Variants in CEP120 observed in about 807,000 individuals in gnomAD.
CEP120 encodes the protein centrosomal protein of 120 kDa.
Under a neutral mutation model 126.5 loss-of-function variants are expected in CEP120, and 113 were observed. That is an observed-to-expected ratio of 0.89 (90% CI 0.77 to 1.04). CEP120 has a LOEUF of 1.04. Ranked by LOEUF, CEP120 falls within the 50% of genes least tolerant of loss-of-function variation. The probability of loss-of-function intolerance (pLI) is 0.00; values close to 1 mark genes in which losing one functional copy is unlikely to be tolerated. For missense variants in CEP120, 1,230 were observed against 1,155.7 expected, an observed-to-expected ratio of 1.06 and a Z score of -0.93; for synonymous variants, 400 against 394.3, an observed-to-expected ratio of 1.01 and a Z score of -0.17.
At position 123,423,028 on chromosome 5, in the gene CEP120, C is replaced by T. The variant is rs1774822491; in HGVS notation, c.-30G>A. On this transcript the variant is annotated 5_prime_UTR_variant, in exon 1 of 20. Coordinates refer to ENST00000306467, the MANE Select transcript of CEP120 (RefSeq NM_001375405.1). ...GCGGTGAGCGGTCCGGGGGCGAAGG[C>T]GGCTGGGGGGAAGTGAGGTCCAGTT... 2.5e-6 allele frequency: 4 copies of T among 1,603,664 alleles called. No homozygotes were observed. Among genetic ancestry groups the T allele is most frequent in the Non-Finnish European group, 8.5e-7 (1 of 1,171,088 alleles).
chr5:123,374,711 C>A (rs1312910937), intron 16 of CEP120, among the ~76,000 whole-genome samples: 1 of 151,968 alleles, frequency 6.6e-6, no homozygotes, highest in Non-Finnish European at 1.5e-5. Flanking sequence ...GAGAACTGTC[C>A]ATATGACAGA....
At chr5:123,349,665 G>A (rs999826560) in intron 19 of CEP120, among the ~76,000 whole-genome samples, 1 of 151,994 alleles carries the variant, frequency 6.6e-6, no homozygotes, top group Non-Finnish European at 1.5e-5. Flanking sequence ...TTGACACAAG[G>A]TCTCACTCTG....
intron 19 of CEP120, among the ~76,000 whole-genome samples, chr5:123,349,143 T>C (rs1344943118): frequency 6.6e-6 from 1 of 152,172 alleles, no homozygotes; most frequent in Non-Finnish European, 1.5e-5. Flanking sequence ...ACACTTGAAG[T>C]TGTGATTCAG....
intron 16 of CEP120, among the ~76,000 whole-genome samples, chr5:123,374,020 C>G (rs529079445): frequency 4.7e-4 from 72 of 152,014 alleles, no homozygotes; most frequent in African/African-American, 1.7e-3. Context: ...AATCCTGACC[C>G]CCTGCCAAAA....
intron 4 of CEP120, among the ~76,000 whole-genome samples, chr5:123,402,683 A>C (rs532025668): frequency 2.0e-4 from 31 of 152,320 alleles, no homozygotes; most frequent in Non-Finnish European, 1.3e-4. Flanking sequence ...AAAGTGCTGG[A>C]ACAGGCGTGA....
intron 2 of CEP120, among the ~76,000 whole-genome samples, 191 bp from the exon 3 acceptor site, chr5:123,416,315 C>T (rs933062190): frequency 6.6e-6 from 1 of 152,086 alleles, no homozygotes; most frequent in Non-Finnish European, 1.5e-5. Context: ...GTAATCCCAG[C>T]ACTTTGGGAG....
At position 123,345,920 on chromosome 5, in the gene CEP120, A is replaced by G; in HGVS notation, c.*599T>C. 1 of 152,186 alleles carries G rather than the reference A, an allele frequency of 6.6e-6. No individual in the cohort carries two copies. The highest frequency in any genetic ancestry group is 2.1e-4 in the South Asian group (1 of 4,834). The allele number at this position is 152,186 out of a possible 1,614,324, so 9.4% of individuals were successfully genotyped here. Reference sequence around the variant, plus strand: ...AAATACACTGAAAATTTGAAAATTCAATAGCTCTTGAAACAAATTTAATCT... The same window carrying G: ...AAATACACTGAAAATTTGAAAATTCGATAGCTCTTGAAACAAATTTAATCT... On this transcript the variant is annotated 3_prime_UTR_variant, in exon 20 of 20. Coordinates refer to ENST00000306467, the MANE Select transcript of CEP120 (RefSeq NM_001375405.1).
chr5:123,361,563 T>C (rs781303144), intron 18 of CEP120, among the ~76,000 whole-genome samples: 13 of 151,852 alleles, frequency 8.6e-5, no homozygotes, highest in Non-Finnish European at 1.8e-4. Context: ...TCTGTACATT[T>C]AGCCCTTACA....
At chr5:123,386,459 A>G (rs1772023071) in intron 10 of CEP120, 59 bp downstream of exon 10, 1 of 1,204,120 alleles carries the variant, frequency 8.3e-7, no homozygotes, top group African/African-American at 1.6e-5. Context: ...TTAATAAAAT[A>G]CAAATTTTCA....
chr5:123,409,002 T>C (rs1178818445), intron 4 of CEP120, among the ~76,000 whole-genome samples: 1 of 151,970 alleles, frequency 6.6e-6, no homozygotes, highest in Non-Finnish European at 1.5e-5. Context: ...AGCCCAGGAG[T>C]TCGAGACCAG....
intron 8 of CEP120, among the ~76,000 whole-genome samples, 183 bp from the exon 9 acceptor site, chr5:123,388,789 T>C (rs1050084228): frequency 3.9e-5 from 6 of 152,156 alleles, no homozygotes; most frequent in Non-Finnish European, 8.8e-5. Context: ...ATAACCCAGG[T>C]TTTAATTTCC....
chr5:123,390,874 GT>G (rs1772346338), intron 7 of CEP120: 1 of 390,176 alleles, frequency 2.6e-6, no homozygotes, highest in Non-Finnish European at 4.6e-6. Flanking sequence ...CCATAAGTGG[GT>G]TTCCACTACA....
At chr5:123,388,211 C>G (rs1360489497) in intron 9 of CEP120, 3 of 299,366 alleles carry the variant, frequency 1.0e-5, no homozygotes, top group Non-Finnish European at 1.8e-5. Context: ...TTATAAATGC[C>G]TACAATTATT....
intron 18 of CEP120, among the ~76,000 whole-genome samples, chr5:123,354,915 C>T (rs549334052): frequency 5.9e-4 from 90 of 152,048 alleles, no homozygotes; most frequent in African/African-American, 2.0e-3. Context: ...AGGTATATCT[C>T]CTAATGCTAT....
chr5:123,377,566 T>C (rs371076480), intron 15 of CEP120, 31 bp from the exon 16 acceptor site: 28 of 1,548,522 alleles, frequency 1.8e-5, no homozygotes, highest in Non-Finnish European at 2.4e-5. Context: ...AAGAGGTTGG[T>C]TTATTGCTAG....
intron 18 of CEP120, among the ~76,000 whole-genome samples, chr5:123,359,256 CATTA>C (rs373024420): frequency 4.6e-5 from 7 of 152,010 alleles, no homozygotes; most frequent in African/African-American, 1.4e-4. Flanking sequence ...CTTCCCAAAA[CATTA>C]ATTCTCTTTC....
chr5:123,414,795 T>C (rs1774275227), intron 3 of CEP120, among the ~76,000 whole-genome samples: 1 of 150,494 alleles, frequency 6.6e-6, no homozygotes, highest in South Asian at 2.1e-4. Flanking sequence ...TGAAACCCCG[T>C]CTCTACTAAA....
At chr5:123,421,735 T>TC (rs1440212948) in intron 1 of CEP120, among the ~76,000 whole-genome samples, 4 of 152,294 alleles carry the variant, frequency 2.6e-5, no homozygotes, top group African/African-American at 9.6e-5. Flanking sequence ...ATTTGTTTCC[T>TC]CATAGCATGG....
intron 19 of CEP120, among the ~76,000 whole-genome samples, chr5:123,349,474 A>G (rs970920708): frequency 3.3e-5 from 5 of 152,220 alleles, no homozygotes; most frequent in African/African-American, 9.6e-5. Context: ...TATACTTTAT[A>G]TAAGTGAAGA....
Sources: allele counts gnomAD v4.1 joint callset (sites outside exome capture counted in the v4.1 genomes callset), GRCh38; gene constraint gnomAD v4.1.1; transcripts MANE v1.5; gene names NCBI Gene and HGNC (gene_info 2026-07-23, HGNC 2026-07-21).